The following CWC27 variants were observed in gnomAD, a reference collection of about 807,000 sequenced individuals.
CWC27 encodes the protein CWC27 spliceosome associated cyclophilin.
CWC27 carries 47 observed loss-of-function variants against 63.6 expected under a neutral mutation model. That is an observed-to-expected ratio of 0.74 (90% CI 0.58 to 0.94). CWC27 has a LOEUF of 0.94. Among genes scored for constraint, CWC27 ranks in the 40% least tolerant of loss-of-function variants. CWC27 has a pLI of 0.00. For synonymous variants in CWC27, 175 were observed against 179.8 expected (o/e 0.97, Z 0.22); for missense variants, 495 against 554.3 (o/e 0.89, Z 1.07).
At chr5:64,803,715 A>G (rs918098526) in intron 9 of CWC27, among the ~76,000 whole-genome samples, 2 of 152,132 alleles carry the variant, frequency 1.3e-5, no homozygotes, top group Admixed American at 1.3e-4. Flanking sequence ...GTAGGAGATT[A>G]TGTCAGGGAG....
At chr5:64,775,119 T>C (rs541417574) in intron 2 of CWC27, among the ~76,000 whole-genome samples, 1 of 152,344 alleles carries the variant, frequency 6.6e-6, no homozygotes, top group South Asian at 2.1e-4. Flanking sequence ...GTCATCACTC[T>C]CTAGTTGTTA....
chr5:64,876,503 A>G (rs963023301), intron 10 of CWC27, among the ~76,000 whole-genome samples: 1 of 152,118 alleles, frequency 6.6e-6, no homozygotes, highest in Non-Finnish European at 1.5e-5. Context: ...TGTAATGGGC[A>G]TGTGTTTAGC....
Position 64,829,297 on chromosome 5 carries a change from C to G in CWC27, c.938+24911C>G, listed in dbSNP as rs184576650. Among the ~76,000 whole-genome samples, 429 of 152,152 alleles carry G rather than the reference C, an allele frequency of 2.8e-3. 3 individuals are homozygous for G. Among genetic ancestry groups the G allele is most frequent in the South Asian group, 0.012 (60 of 4,822 alleles). On this transcript the variant is annotated intron_variant, in intron 10 of 13. Transcript: ENST00000381070. ...TAATGGCTTAATGTCAGTACTGACT[C>G]AACTTATGAATGGATCATGTTTGTA...
At chr5:64,840,964 C>T (rs1036859668) in intron 10 of CWC27, among the ~76,000 whole-genome samples, 2 of 152,196 alleles carry the variant, frequency 1.3e-5, no homozygotes, top group Non-Finnish European at 2.9e-5. Flanking sequence ...CTATAGCTAT[C>T]TCAATTAGGT....
At chr5:64,782,892 T>C (rs1743749887) in intron 3 of CWC27, among the ~76,000 whole-genome samples, 1 of 152,200 alleles carries the variant, frequency 6.6e-6, no homozygotes, top group African/African-American at 2.4e-5. Flanking sequence ...TTTACCATGG[T>C]AAGACTTCTC....
intron 11 of CWC27, among the ~76,000 whole-genome samples, chr5:64,922,207 C>T (rs1748010851): frequency 6.6e-6 from 1 of 152,178 alleles, no homozygotes. Flanking sequence ...TTTTCATGGA[C>T]TATATCCTCA....
chr5:64,803,942 A>ACACAGAGGGAGAAGTCTGCTGCACCCCGG (rs1744570241), intron 9 of CWC27, among the ~76,000 whole-genome samples: 1 of 151,718 alleles, frequency 6.6e-6, no homozygotes, highest in South Asian at 2.1e-4. Context: ...GAATAGCCCG[A>ACACAGAGGGAGAAGTCTGCTGCACCCCGG]GTGACACAGA....
rs557843299 is a variant in CWC27 at position 64,796,364 on chromosome 5, C to T, written c.670-3884C>T. Among the ~76,000 whole-genome samples the T allele has an allele frequency of 5.3e-4, 80 of 152,110 alleles. 1 individual carries two copies. Among genetic ancestry groups the T allele is most frequent in the African/African-American group, 1.9e-3 (78 of 41,508 alleles). Reference sequence around the variant, plus strand: ...CAATTCCAAAATATGTAGAGTAGGCCAGCATGCTGGAGACTCAGGGAATAG... The same window carrying T: ...CAATTCCAAAATATGTAGAGTAGGCTAGCATGCTGGAGACTCAGGGAATAG... On this transcript the variant is annotated intron_variant, in intron 7 of 13. Transcript: ENST00000381070.
chr5:64,803,113 T>C (rs1744543606), intron 9 of CWC27, among the ~76,000 whole-genome samples: 1 of 152,146 alleles, frequency 6.6e-6, no homozygotes, highest in Non-Finnish European at 1.5e-5. Context: ...AAGTCTGCAA[T>C]GAGGGCTAGA....
At chr5:64,830,580 T>A (rs1451850957) in intron 10 of CWC27, among the ~76,000 whole-genome samples, 2 of 151,912 alleles carry the variant, frequency 1.3e-5, no homozygotes, top group Non-Finnish European at 2.9e-5. Flanking sequence ...ACAAATGGGA[T>A]CTAATTAAAC....
intron 13 of CWC27, among the ~76,000 whole-genome samples, chr5:64,983,667 G>A (rs1749367885): frequency 6.6e-6 from 1 of 152,232 alleles, no homozygotes; most frequent in African/African-American, 2.4e-5. Context: ...GTTGTCACTG[G>A]CCTAGGCCTG....
chr5:65,006,960 C>CAGAA (rs200204473), intron 13 of CWC27, among the ~76,000 whole-genome samples: 7,174 of 121,072 alleles, frequency 0.059, 249 homozygotes, highest in Non-Finnish European at 0.069. Context: ...TTTAAAAAGA[C>CAGAA]AGAAAGAAAG....
chr5:64,845,016 G>A (rs1419656267), intron 10 of CWC27: 1 of 456,686 alleles, frequency 2.2e-6, no homozygotes, highest in Admixed American at 2.3e-5. Flanking sequence ...AATACAACTT[G>A]CAACTGGCCT....
chr5:64,980,081 A>G (rs2112449555), intron 13 of CWC27, among the ~76,000 whole-genome samples: 1 of 152,314 alleles, frequency 6.6e-6, no homozygotes. Flanking sequence ...AAGGCATTTA[A>G]AGAAGTGTTA....
At chr5:64,855,806 C>G (rs1580677149) in intron 10 of CWC27, among the ~76,000 whole-genome samples, 1 of 152,182 alleles carries the variant, frequency 6.6e-6, no homozygotes, top group East Asian at 1.9e-4. Flanking sequence ...GTATGAATAA[C>G]TACCAGATCA....
intron 10 of CWC27, among the ~76,000 whole-genome samples, chr5:64,827,441 G>A (rs896363177): frequency 6.6e-6 from 1 of 152,094 alleles, no homozygotes; most frequent in Non-Finnish European, 1.5e-5. Context: ...TATAAAAAAA[G>A]GACTTGTTTG....
chr5:64,875,284 A>G (rs980939372), intron 10 of CWC27, among the ~76,000 whole-genome samples: 2 of 152,188 alleles, frequency 1.3e-5, no homozygotes, highest in African/African-American at 4.8e-5. Flanking sequence ...TTTAAAGGCT[A>G]TATACAAGTG....
In CWC27 at chr5:64,949,124, AT is replaced by A. The variant is rs913841762; in HGVS notation, c.1043-22569del. Among the ~76,000 whole-genome samples, 139 of 148,968 alleles carry A rather than the reference AT, an allele frequency of 9.3e-4. 2 individuals carry two copies. The East Asian group carries it at 0.017, about 18-fold the overall frequency. On this transcript the variant is annotated intron_variant, in intron 11 of 13. Transcript: ENST00000381070. The stretch of plus-strand genomic sequence containing the variant: ...ACTTTATTTAGACTTTTTAGATATG[AT>A]TTTTTTTTTAGGAACCTTGGGAAAT...
intron 11 of CWC27, among the ~76,000 whole-genome samples, chr5:64,950,296 G>A (rs963610425): frequency 6.6e-6 from 1 of 151,634 alleles, no homozygotes; most frequent in African/African-American, 2.4e-5. Flanking sequence ...TCTGTCTAAT[G>A]TACACATATA....
Sources: allele counts gnomAD v4.1 joint callset (sites outside exome capture counted in the v4.1 genomes callset), GRCh38; gene constraint gnomAD v4.1.1; transcripts MANE v1.5; gene names NCBI Gene and HGNC (gene_info 2026-07-23, HGNC 2026-07-21).